ANKRD28: variants seen among roughly 807,000 people sequenced by gnomAD.
The protein encoded by ANKRD28 is ankyrin repeat domain 28, also known as serine/threonine-protein phosphatase 6 regulatory ankyrin repeat subunit A.
Under a neutral mutation model 126.5 loss-of-function variants are expected in ANKRD28, and 44 were observed. The ratio of observed to expected loss-of-function variants is 0.35; its 90% CI spans 0.27 to 0.45. The LOEUF (loss-of-function observed/expected upper bound fraction) is 0.45, where lower values mean the gene tolerates loss of function less well. Ranked by LOEUF, ANKRD28 falls within the 20% of genes least tolerant of loss-of-function variation. The pLI, the probability that ANKRD28 is intolerant of heterozygous loss-of-function variation, is 1.00. For synonymous variants in ANKRD28, 442 were observed against 468.5 expected, an observed-to-expected ratio of 0.94 and a Z score of 0.73; for missense variants, 1,110 against 1,316.6, an observed-to-expected ratio of 0.84 and a Z score of 2.43.
chr3:15,742,200 C>T (rs1425645493), intron 4 of ANKRD28, among the ~76,000 whole-genome samples: 4 of 150,790 alleles, frequency 2.7e-5, no homozygotes, highest in African/African-American at 9.8e-5. Flanking sequence ...GGCCGCCCAT[C>T]GTCTGGGACG....
chr3:15,712,318 A>AGGG (rs2072417547), intron 10 of ANKRD28, 96 bp from the exon 11 acceptor site: 3 of 973,760 alleles, frequency 3.1e-6, no homozygotes, highest in Non-Finnish European at 4.7e-6. Context: ...GTGAAAGATA[A>AGGG]CTAAGAGCCA....
intron 21 of ANKRD28, chr3:15,684,980 A>C: frequency 2.0e-6 from 1 of 490,122 alleles, no homozygotes; most frequent in Non-Finnish European, 3.6e-6. Context: ...AAAGAAAAGA[A>C]AAGAAAAACC....
intron 2 of ANKRD28, among the ~76,000 whole-genome samples, chr3:15,770,623 C>A (rs765993817): frequency 2.6e-4 from 40 of 152,148 alleles, no homozygotes; most frequent in Non-Finnish European, 5.0e-4. Context: ...TTCTTCTCTG[C>A]ACATGAGCTG....
chr3:15,707,804 G>A (rs1575288755), intron 14 of ANKRD28, 120 bp downstream of exon 14: 1 of 1,230,050 alleles, frequency 8.1e-7, no homozygotes, highest in South Asian at 1.6e-5. Flanking sequence ...ATAGACTTAG[G>A]GCAAAGATAA....
intron 6 of ANKRD28, among the ~76,000 whole-genome samples, 158 bp downstream of exon 6, chr3:15,735,252 T>G (rs564827456): frequency 6.6e-6 from 1 of 152,108 alleles, no homozygotes; most frequent in African/African-American, 2.4e-5. Context: ...ACTCCAAACC[T>G]CCCCCATTAC....
At chr3:15,677,134 TAGTC>T (rs2067018966) in intron 25 of ANKRD28, 78 bp from the exon 26 acceptor site, 5 of 1,141,500 alleles carry the variant, frequency 4.4e-6, no homozygotes, top group Non-Finnish European at 6.6e-6. Context: ...TCTGCAATCC[TAGTC>T]CATATATTAT....
At chr3:15,847,846 A>G (rs944352410) in intron 1 of ANKRD28, among the ~76,000 whole-genome samples, 2 of 152,234 alleles carry the variant, frequency 1.3e-5, no homozygotes, top group Non-Finnish European at 2.9e-5. Flanking sequence ...GATTCAAAAC[A>G]AAATCCTGCA....
chr3:15,786,684 CAA>C (rs2059795993), intron 2 of ANKRD28, among the ~76,000 whole-genome samples: 2 of 152,000 alleles, frequency 1.3e-5, no homozygotes, highest in African/African-American at 4.8e-5. Flanking sequence ...ACTTTCAGAC[CAA>C]AGTTACTTCA....
intron 1 of ANKRD28, among the ~76,000 whole-genome samples, chr3:15,803,372 A>C (rs2060504149): frequency 6.6e-6 from 1 of 152,130 alleles, no homozygotes; most frequent in African/African-American, 2.4e-5. Flanking sequence ...TAATCCCAGC[A>C]CTTTGGGAGA....
At chr3:15,823,967 A>C (rs774990425) in intron 1 of ANKRD28, among the ~76,000 whole-genome samples, 15 of 152,216 alleles carry the variant, frequency 9.9e-5, no homozygotes, top group Non-Finnish European at 4.4e-5. Flanking sequence ...TAAGGGTGAA[A>C]AACTCAATGC....
chr3:15,850,204 A>AT (rs1553650054), intron 1 of ANKRD28, among the ~76,000 whole-genome samples: 1,909 of 53,980 alleles, frequency 0.035, 115 homozygotes, highest in Non-Finnish European at 0.044. Context: ...AAAAAAAAAA[A>AT]ATATATATAT....
chr3:15,694,277 TAGTGTGAGCA>T (rs1487823471), intron 17 of ANKRD28, among the ~76,000 whole-genome samples: 1 of 152,158 alleles, frequency 6.6e-6, no homozygotes, highest in African/African-American at 2.4e-5. Context: ...CCAAATCCTA[TAGTGTGAGCA>T]ACTAAAGGAC....
chr3:15,857,377 C>T (rs57146443), intron 1 of ANKRD28, among the ~76,000 whole-genome samples: 20,273 of 152,160 alleles, frequency 0.13, 2,050 homozygotes, highest in East Asian at 0.56. Flanking sequence ...CTCTGTCTCC[C>T]GGGTTCAATC....
intron 1 of ANKRD28, among the ~76,000 whole-genome samples, chr3:15,820,017 T>G (rs1188694393): frequency 6.6e-6 from 1 of 152,206 alleles, no homozygotes; most frequent in Non-Finnish European, 1.5e-5. Context: ...AATATTAATT[T>G]GGTCACATGG....
At position 15,839,542 on chromosome 3, in the gene ANKRD28, C is replaced by A. The variant is rs2061389235; in HGVS notation, c.27+19835G>T. On this transcript the variant is annotated intron_variant, in intron 1 of 27. Transcript: ENST00000399451. This position sits in a 1 kb window ranked among gnomAD's most constrained non-coding sequence, Gnocchi z 4.3. ...CTTGAAGAGTGGGTCAAATTTCCAT[C>A]TGCAGGGTAAATAATAACATGATAC... Among the ~76,000 whole-genome samples, 1 of 151,896 alleles carries A rather than the reference C, an allele frequency of 6.6e-6. No homozygotes were observed. Among genetic ancestry groups the A allele is most frequent in the Non-Finnish European group, 1.5e-5 (1 of 67,966 alleles).
intron 2 of ANKRD28, among the ~76,000 whole-genome samples, chr3:15,783,244 T>C (rs58222163): frequency 4.6e-5 from 7 of 151,704 alleles, no homozygotes; most frequent in East Asian, 3.9e-4. Flanking sequence ...ACAAGAACAT[T>C]TGAAAAGACA....
At chr3:15,764,128 G>A (rs982730022) in intron 3 of ANKRD28, among the ~76,000 whole-genome samples, 1 of 152,206 alleles carries the variant, frequency 6.6e-6, no homozygotes, top group African/African-American at 2.4e-5. Flanking sequence ...GGGAGGCTGA[G>A]GCAGGTGAAT....
intron 13 of ANKRD28, among the ~76,000 whole-genome samples, chr3:15,708,511 A>C (rs1025582399): frequency 5.9e-5 from 9 of 152,172 alleles, no homozygotes; most frequent in Non-Finnish European, 1.2e-4. Context: ...AAAAAAATGT[A>C]ATTAACCCTG....
chr3:15,793,624 T>C (rs2060132720), intron 2 of ANKRD28, among the ~76,000 whole-genome samples: 1 of 152,140 alleles, frequency 6.6e-6, no homozygotes, highest in Non-Finnish European at 1.5e-5. Context: ...ACTATTAAAA[T>C]AAAACCAAAA....
Sources: gnomAD v4.1 joint callset for allele counts (sites outside exome capture counted in the v4.1 genomes callset) on GRCh38, gnomAD v4.1.1 for gene constraint, Gnocchi (gnomAD v3.1) non-coding constraint, MANE v1.5 for transcripts, NCBI Gene and HGNC (gene_info 2026-07-23, HGNC 2026-07-21) for gene names.